CNTLN: variants seen among roughly 807,000 people sequenced by gnomAD.
CNTLN encodes the protein centlein.
A neutral mutation model predicts 180.0 loss-of-function variants in CNTLN; 212 were observed. The observed-to-expected ratio is 1.18, with a 90% CI of 1.05 to 1.32. The LOEUF (loss-of-function observed/expected upper bound fraction) is 1.32. Ranked by LOEUF, CNTLN falls within the 40% of genes most tolerant of loss-of-function variation. The pLI, the probability that CNTLN is intolerant of heterozygous loss-of-function variation, is 0.00. For synonymous variants in CNTLN, 722 were observed against 563.1 expected (o/e 1.28, Z -3.99); for missense variants, 2,095 against 1,610.9 (o/e 1.30, Z -5.14).
chr9:17,153,997 G>T (rs999570586), intron 2 of CNTLN, among the ~76,000 whole-genome samples: 5 of 152,106 alleles, frequency 3.3e-5, no homozygotes, highest in African/African-American at 1.2e-4. Context: ...GTGTTTTTCA[G>T]CTCTGTCAGG....
Position 17,464,583 on chromosome 9 carries a change from A to G in CNTLN, c.3491A>G (p.Asn1164Ser). The G allele has an allele frequency of 1.3e-6, 2 of 1,509,290 alleles. No individual in the cohort carries two copies. The highest frequency in any genetic ancestry group is 1.8e-6 in the Non-Finnish European group (2 of 1,128,844). 93.5% of individuals were successfully genotyped at this position (1,509,290 alleles called of 1,614,324 possible). ...KFRQKVNLESNKSFSEMLQNL... is the reference protein window; with the variant it reads ...KFRQKVNLESSKSFSEMLQNL... Reference sequence around the variant, plus strand: ...CGACAGAAAGTAAATTTGGAAAGTAACAAGAGTTTTAGTGAAATGTTACAA... The same window carrying G: ...CGACAGAAAGTAAATTTGGAAAGTAGCAAGAGTTTTAGTGAAATGTTACAA... The change falls in exon 21 of 26, where the codon AAC becomes AGC. Residue 1164 changes from asparagine (N) to serine (S), a missense_variant. Coordinates refer to ENST00000380647, the MANE Select transcript of CNTLN (RefSeq NM_017738.4).
the CNTLN span, among the ~76,000 whole-genome samples, chr9:17,521,049 A>C: frequency 6.6e-6 from 1 of 152,198 alleles, no homozygotes; most frequent in Non-Finnish European, 1.5e-5. Flanking sequence ...TAAATGAATA[A>C]ATGAGCATTT....
chr9:17,243,401 A>G (rs12235987), intron 5 of CNTLN, among the ~76,000 whole-genome samples: 31,212 of 151,726 alleles, frequency 0.21, 4,078 homozygotes, highest in African/African-American at 0.36. Context: ...TTTAGGATGC[A>G]TTGTTAGGTT....
intron 3 of CNTLN, among the ~76,000 whole-genome samples, chr9:17,231,030 A>G (rs1587261089): frequency 6.6e-6 from 1 of 151,970 alleles, no homozygotes; most frequent in East Asian, 1.9e-4. Flanking sequence ...CTGTCTCTTC[A>G]ATTTTGGGAG....
chr9:17,331,333 T>A (rs186878412), intron 9 of CNTLN, among the ~76,000 whole-genome samples: 3 of 147,066 alleles, frequency 2.0e-5, no homozygotes, highest in Non-Finnish European at 3.0e-5. Flanking sequence ...ATAAGCAAAT[T>A]TTACATGTTT....
At chr9:17,420,180 G>A (rs1241657936) in intron 18 of CNTLN, among the ~76,000 whole-genome samples, 5 of 152,162 alleles carry the variant, frequency 3.3e-5, no homozygotes, top group Non-Finnish European at 7.3e-5. Flanking sequence ...CTCCCAAAGT[G>A]TAGCCATTGG....
At chr9:17,449,766 A>T (rs1449298971) in intron 18 of CNTLN, among the ~76,000 whole-genome samples, 1 of 152,248 alleles carries the variant, frequency 6.6e-6, no homozygotes, top group Non-Finnish European at 1.5e-5. Flanking sequence ...TCATTTAGTT[A>T]TTCAGATTAT....
chr9:17,135,064 C>A lies in CNTLN; in HGVS notation c.-2C>A. 4.4e-6 allele frequency: 7 copies of A among 1,595,332 alleles called. No homozygotes were observed. The highest frequency in any genetic ancestry group is 6.0e-6 in the Non-Finnish European group (7 of 1,175,670). On this transcript the variant is annotated 5_prime_UTR_variant, in exon 1 of 26. Coordinates refer to ENST00000380647, the MANE Select transcript of CNTLN (RefSeq NM_017738.4). ...GAACTTGACCCGTTAGCAGCCGCAG[C>A]CATGGCGGCGCGTTCGCCTCCCTCA...
intron 5 of CNTLN, among the ~76,000 whole-genome samples, chr9:17,268,903 G>A (rs1745856229): frequency 6.6e-6 from 1 of 151,894 alleles, no homozygotes; most frequent in African/African-American, 2.4e-5. Context: ...CAGTATTAGG[G>A]TGGGAGTGAC....
intron 6 of CNTLN, among the ~76,000 whole-genome samples, chr9:17,275,262 T>C (rs1828238004): frequency 6.6e-6 from 1 of 152,130 alleles, no homozygotes; most frequent in African/African-American, 2.4e-5. Flanking sequence ...TTTTTGAACA[T>C]TGTTTTACAT....
At chr9:17,182,177 TC>T (rs1379443996) in intron 2 of CNTLN, among the ~76,000 whole-genome samples, 5 of 152,062 alleles carry the variant, frequency 3.3e-5, no homozygotes, top group African/African-American at 9.6e-5. Context: ...TTTTTTTTTT[TC>T]CTTTGGTACT....
At chr9:17,273,710 T>A in intron 5 of CNTLN, 23 bp from the exon 6 acceptor site, 1 of 1,294,204 alleles carries the variant, frequency 7.7e-7, no homozygotes, top group Non-Finnish European at 1.0e-6. Context: ...GTTTGATTAT[T>A]GATATAAGCA....
chr9:17,275,984 G>A (rs1378855486), intron 6 of CNTLN, among the ~76,000 whole-genome samples: 3 of 152,028 alleles, frequency 2.0e-5, no homozygotes, highest in Admixed American at 6.5e-5. Flanking sequence ...ACTACTAGAC[G>A]GTGAAGGGAG....
At chr9:17,216,405 T>A (rs888245261) in intron 2 of CNTLN, among the ~76,000 whole-genome samples, 2 of 152,214 alleles carry the variant, frequency 1.3e-5, no homozygotes, top group African/African-American at 4.8e-5. Context: ...TCCTGTTTGG[T>A]AATGAAAACT....
chr9:17,303,908 A>G (rs777552545), intron 7 of CNTLN, among the ~76,000 whole-genome samples: 6 of 152,136 alleles, frequency 3.9e-5, no homozygotes, highest in Non-Finnish European at 8.8e-5. Context: ...TTTGTCTTCA[A>G]TTCTTATTAA....
chr9:17,357,080 G>A (rs1822907758), intron 12 of CNTLN, among the ~76,000 whole-genome samples: 1 of 152,002 alleles, frequency 6.6e-6, no homozygotes, highest in African/African-American at 2.4e-5. Context: ...CCTATTCTAG[G>A]TGCTTCATGT....
At chr9:17,343,557 C>T (rs577353002) in intron 12 of CNTLN, among the ~76,000 whole-genome samples, 1 of 152,216 alleles carries the variant, frequency 6.6e-6, no homozygotes, top group East Asian at 1.9e-4. Context: ...GTGCAGTATA[C>T]TCTATTAGTT....
intron 5 of CNTLN, among the ~76,000 whole-genome samples, chr9:17,267,760 ACTTCT>A (rs1371929567): frequency 1.3e-5 from 2 of 151,736 alleles, no homozygotes; most frequent in Non-Finnish European, 2.9e-5. Context: ...TTTTCTCTAA[ACTTCT>A]CTTCTCACTT....
At chr9:17,268,893 C>A (rs1042873330) in intron 5 of CNTLN, among the ~76,000 whole-genome samples, 1 of 151,860 alleles carries the variant, frequency 6.6e-6, no homozygotes, top group Non-Finnish European at 1.5e-5. Flanking sequence ...CAGAAAAGTG[C>A]AGTATTAGGG....
Sources: allele counts gnomAD v4.1 joint callset (sites outside exome capture counted in the v4.1 genomes callset), GRCh38; gene constraint gnomAD v4.1.1; transcripts MANE v1.5; gene names NCBI Gene and HGNC (gene_info 2026-07-23, HGNC 2026-07-21).